GPT2: variants seen among roughly 807,000 people sequenced by gnomAD.
GPT2 encodes alanine aminotransferase 2.
In GPT2, 30 loss-of-function variants were observed where a neutral mutation model predicts 56.9. That is an observed-to-expected ratio of 0.53 (90% CI 0.39 to 0.72). The LOEUF is 0.72. Ranked by LOEUF, GPT2 falls within the 30% of genes least tolerant of loss-of-function variation. The probability of loss-of-function intolerance (pLI) is 0.00; values close to 1 mark genes in which losing one functional copy is unlikely to be tolerated. For synonymous variants in GPT2, 271 were observed against 283.1 expected (o/e 0.96, Z 0.43); for missense variants, 542 against 703.4 (o/e 0.77, Z 2.60).
intron 4 of GPT2, among the ~76,000 whole-genome samples, chr16:46,904,272 A>C (rs983897540): frequency 6.6e-6 from 1 of 152,198 alleles, no homozygotes; most frequent in Non-Finnish European, 1.5e-5. Context: ...AGGGGCCAGC[A>C]CAGTGGCTTA....
intron 6 of GPT2, among the ~76,000 whole-genome samples, chr16:46,911,892 T>C (rs927237937): frequency 6.6e-6 from 1 of 152,236 alleles, no homozygotes; most frequent in African/African-American, 2.4e-5. Flanking sequence ...TTCACCTGAC[T>C]GAGAAGAAGT....
chr16:46,926,856 T>G lies in GPT2; in HGVS notation c.1369-69T>G. 3.9e-6 allele frequency: 4 copies of G among 1,019,230 alleles called. No homozygotes were observed. The South Asian group carries it at 7.6e-5, about 19-fold the overall frequency. The allele number at this position is 1,019,230 out of a possible 1,614,324, so 63.1% of individuals were successfully genotyped here. A position where few individuals can be genotyped will look rare whatever the true frequency, so the allele number is the denominator to read the frequency against. Reference sequence around the variant, plus strand: ...GAGAGACCTGCCATTTAGATTACATTTGGCTTTGAGGGTTGAATGGTGTGT... The same window carrying G: ...GAGAGACCTGCCATTTAGATTACATGTGGCTTTGAGGGTTGAATGGTGTGT... On this transcript the variant is annotated intron_variant, in intron 10 of 11. Transcript: ENST00000340124.
intron 3 of GPT2, among the ~76,000 whole-genome samples, chr16:46,899,035 A>ATATATATATTTTT (rs1567335287): frequency 3.9e-5 from 3 of 77,226 alleles, no homozygotes; most frequent in Admixed American, 2.3e-4. Flanking sequence ...ATATATATAT[A>ATATATATATTTTT]TTTTTTTTTT....
chr16:46,905,096 G>A (rs961243093), intron 4 of GPT2, among the ~76,000 whole-genome samples: 8 of 149,288 alleles, frequency 5.4e-5, no homozygotes, highest in African/African-American at 1.5e-4. Flanking sequence ...TCAATCTGTC[G>A]CCCAGGCTGG....
chr16:46,897,720 A>C lies in GPT2; in HGVS notation c.316A>C (p.Ile106Leu), dbSNP rs1048679401. 4.3e-6 allele frequency: 7 copies of C among 1,613,814 alleles called. No homozygotes were observed. Among genetic ancestry groups the C allele is most frequent in the Non-Finnish European group, 5.9e-6 (7 of 1,179,830 alleles). The change falls in exon 3 of 12, where the codon ATC becomes CTC. Residue 106 changes from isoleucine to leucine, a missense_variant. Physicochemically the swap from Ile to Leu is conservative, Grantham distance 5. Transcript: ENST00000340124. ...CGCCCAGGCTATGGGGCAGCAGCCAATCACCTTCCTCCGGCAGGTGAGCCG... is the reference window on the plus strand; with the variant it reads ...CGCCCAGGCTATGGGGCAGCAGCCACTCACCTTCCTCCGGCAGGTGAGCCG... ...GDAQAMGQQP[I>L]TFLRQVMALC...
chr16:46,909,213 A>C (rs1290738162), intron 5 of GPT2, among the ~76,000 whole-genome samples: 1 of 152,230 alleles, frequency 6.6e-6, no homozygotes, highest in Non-Finnish European at 1.5e-5. Flanking sequence ...CAGGGTCAGA[A>C]TAATTCTGAG....
intron 2 of GPT2, among the ~76,000 whole-genome samples, chr16:46,891,673 C>T (rs1467848802): frequency 3.9e-5 from 6 of 152,060 alleles, no homozygotes; most frequent in Non-Finnish European, 7.4e-5. Context: ...TTATGAGGTA[C>T]ATGAGATATT....
chr16:46,907,067 G>T, intron 5 of GPT2, 92 bp downstream of exon 5: 1 of 1,573,586 alleles, frequency 6.4e-7, no homozygotes, highest in Non-Finnish European at 8.7e-7. Context: ...TTGGCTAGCA[G>T]GGAGGGTGGC....
intron 4 of GPT2, 133 bp from the exon 5 acceptor site, chr16:46,906,709 C>A: frequency 1.7e-6 from 2 of 1,166,868 alleles, no homozygotes; most frequent in Non-Finnish European, 2.5e-6. Context: ...AGTTCCAAAG[C>A]AATGGGAGTT....
chr16:46,903,248 C>T (rs1960856089), intron 4 of GPT2, among the ~76,000 whole-genome samples: 2 of 151,618 alleles, frequency 1.3e-5, no homozygotes, highest in African/African-American at 4.8e-5. Flanking sequence ...AAACTCTGTC[C>T]CCTCCAAAAG....
At chr16:46,898,095 G>C (rs889105955) in intron 3 of GPT2, among the ~76,000 whole-genome samples, 1 of 152,216 alleles carries the variant, frequency 6.6e-6, no homozygotes, top group Non-Finnish European at 1.5e-5. Flanking sequence ...GTGTCATGGT[G>C]GGGGCAGGAT....
chr16:46,911,537 A>G (rs950376869), intron 6 of GPT2, among the ~76,000 whole-genome samples: 15 of 152,296 alleles, frequency 9.8e-5, no homozygotes, highest in African/African-American at 2.9e-4. Context: ...TGGCTTCTCA[A>G]TCCTGGTTGT....
intron 2 of GPT2, among the ~76,000 whole-genome samples, chr16:46,895,909 G>C (rs1297362948): frequency 6.6e-6 from 1 of 152,182 alleles, no homozygotes; most frequent in East Asian, 1.9e-4. Flanking sequence ...TTCACACATT[G>C]CATGAAAAGG....
At position 46,884,824 on chromosome 16, in the gene GPT2, G is replaced by A. The variant is rs779396798; in HGVS notation, c.109G>A (p.Val37Met). 2.2e-5 allele frequency: 34 copies of A among 1,539,340 alleles called. No individual in the cohort carries two copies. In the South Asian group the frequency reaches 3.5e-4, roughly 16 times the overall value. The part of the protein sequence containing the change: ...AAAEASAVLK[V>M]RPERSRRERI... ...CGCCGAGGCCTCGGCGGTGCTCAAG[G>A]TGCGGCCCGAGCGCAGCCGGCGCGA... The change falls in exon 2 of 12, where the codon GTG becomes ATG. Residue 37 changes from valine (V) to methionine (M), a missense_variant. Physicochemically the swap from Val to Met is conservative, Grantham distance 21. Coordinates refer to ENST00000340124, the MANE Select transcript of GPT2 (RefSeq NM_133443.4).
At chr16:46,900,633 C>T (rs778358005) in intron 3 of GPT2, 49 bp from the exon 4 acceptor site, 2 of 1,445,074 alleles carry the variant, frequency 1.4e-6, no homozygotes, top group South Asian at 2.3e-5. Flanking sequence ...CCTCCTGGAG[C>T]TCTAGGAGTG....
Position 46,898,337 on chromosome 16 carries a change from C to T in GPT2, c.333+600C>T, listed in dbSNP as rs367960357. On this transcript the variant is annotated intron_variant, in intron 3 of 11. Coordinates refer to ENST00000340124, the MANE Select transcript of GPT2 (RefSeq NM_133443.4). ...GCCTCTGCAGTGACCCAGCTCCCTC[C>T]TCAGGCTCCAGGAGAAGGCGGCTTC... Among the ~76,000 whole-genome samples, 8 of 152,314 alleles carry T rather than the reference C, an allele frequency of 5.3e-5. No individual in the cohort carries two copies. In the East Asian group the frequency reaches 9.7e-4, roughly 18 times the overall value.
intron 4 of GPT2, among the ~76,000 whole-genome samples, chr16:46,903,497 T>G (rs879252914): frequency 1.3e-5 from 2 of 151,938 alleles, no homozygotes; most frequent in Admixed American, 1.3e-4. Flanking sequence ...TTTGTAGACA[T>G]AGGGTCTCAC....
chr16:46,902,800 A>G (rs1383250620), intron 4 of GPT2, among the ~76,000 whole-genome samples: 1 of 151,912 alleles, frequency 6.6e-6, no homozygotes, highest in Admixed American at 6.6e-5. Flanking sequence ...TAATTTTTGT[A>G]TTTTTAGTAG....
chr16:46,897,783 G>A, intron 3 of GPT2, 46 bp downstream of exon 3: 3 of 1,570,598 alleles, frequency 1.9e-6, no homozygotes, highest in Non-Finnish European at 2.6e-6. Context: ...CAGGGCCCTG[G>A]GCTGGGCGGG....
Sources: gnomAD v4.1 joint callset for allele counts (sites outside exome capture counted in the v4.1 genomes callset) on GRCh38, gnomAD v4.1.1 for gene constraint, MANE v1.5 for transcripts, NCBI Gene and HGNC (gene_info 2026-07-23, HGNC 2026-07-21) for gene names.